NAALADL2: variants seen among roughly 807,000 people sequenced by gnomAD.
NAALADL2 encodes the protein inactive N-acetylated-alpha-linked acidic dipeptidase-like protein 2.
Under a neutral mutation model 87.2 loss-of-function variants are expected in NAALADL2, and 76 were observed. The ratio of observed to expected loss-of-function variants is 0.87; its 90% CI spans 0.72 to 1.05. The LOEUF (loss-of-function observed/expected upper bound fraction) is 1.05. Among genes scored for constraint, NAALADL2 ranks in the 50% least tolerant of loss-of-function variants. NAALADL2 has a pLI of 0.00. For missense variants in NAALADL2, 1,089 were observed against 945.8 expected (o/e 1.15, Z -1.99); for synonymous variants, 354 against 331.0 (o/e 1.07, Z -0.75).
intron 10 of NAALADL2, among the ~76,000 whole-genome samples, chr3:175,602,914 C>G (rs1723166835): frequency 6.6e-6 from 1 of 152,158 alleles, no homozygotes; most frequent in Non-Finnish European, 1.5e-5. Context: ...TAACACCTTT[C>G]CCCATGTGTC....
At chr3:174,530,412 T>C (rs1721134574) in intron 1 of NAALADL2, among the ~76,000 whole-genome samples, 1 of 152,150 alleles carries the variant, frequency 6.6e-6, no homozygotes, top group East Asian at 1.9e-4. Context: ...AATTTTCCTA[T>C]CTTCTTCTGA....
chr3:174,654,825 T>A (rs1156463613), intron 2 of NAALADL2, among the ~76,000 whole-genome samples: 1 of 152,116 alleles, frequency 6.6e-6, no homozygotes, highest in Non-Finnish European at 1.5e-5. Flanking sequence ...AAGCTCTGCC[T>A]CCCGGGTTCA....
intron 1 of NAALADL2, among the ~76,000 whole-genome samples, chr3:174,460,693 G>A (rs913980372): frequency 2.0e-5 from 3 of 151,436 alleles, no homozygotes; most frequent in East Asian, 1.9e-4. Flanking sequence ...CTTTATAAAC[G>A]TAATTTTTTT....
chr3:175,124,227 A>G (rs902613021), intron 2 of NAALADL2, among the ~76,000 whole-genome samples: 14 of 152,028 alleles, frequency 9.2e-5, no homozygotes, highest in African/African-American at 3.4e-4. Context: ...AGGCGAAGTA[A>G]TAATAGCAGT....
intron 4 of NAALADL2, among the ~76,000 whole-genome samples, chr3:175,290,474 A>G (rs972831119): frequency 2.3e-4 from 35 of 152,164 alleles, no homozygotes; most frequent in Admixed American, 2.1e-3. Context: ...TGGACATAAA[A>G]AAATTTGGGA....
At chr3:175,143,142 A>G (rs1246425031) in intron 2 of NAALADL2, among the ~76,000 whole-genome samples, 1 of 151,952 alleles carries the variant, frequency 6.6e-6, no homozygotes, top group African/African-American at 2.4e-5. Context: ...AATACTTGCC[A>G]TGAAGGTTTA....
At chr3:174,705,612 A>G (rs1018520669) in intron 2 of NAALADL2, among the ~76,000 whole-genome samples, 7 of 151,368 alleles carry the variant, frequency 4.6e-5, no homozygotes, top group African/African-American at 7.3e-5. Context: ...GTGAAACCCT[A>G]TCTCTACTAA....
intron 1 of NAALADL2, among the ~76,000 whole-genome samples, chr3:174,913,194 C>T (rs928490495): frequency 1.3e-5 from 2 of 152,114 alleles, no homozygotes; most frequent in Non-Finnish European, 1.5e-5. Context: ...TTATTTTCGA[C>T]TTGTCTTACC....
chr3:174,607,420 C>G (rs1719223227), intron 2 of NAALADL2, among the ~76,000 whole-genome samples: 1 of 150,480 alleles, frequency 6.6e-6, no homozygotes, highest in South Asian at 2.1e-4. Context: ...TTCAGGAAAC[C>G]CATCTCACGT....
At chr3:175,215,521 C>A (rs889442537) in intron 2 of NAALADL2, among the ~76,000 whole-genome samples, 4 of 152,026 alleles carry the variant, frequency 2.6e-5, no homozygotes, top group African/African-American at 9.7e-5. Flanking sequence ...CCTCATTGCC[C>A]AGTGTTAAGT....
intron 1 of NAALADL2, among the ~76,000 whole-genome samples, chr3:175,013,639 C>A (rs185015129): frequency 6.6e-6 from 1 of 151,894 alleles, no homozygotes; most frequent in African/African-American, 2.4e-5. Flanking sequence ...TTGCCTAATT[C>A]TTATGATAGC....
intron 5 of NAALADL2, among the ~76,000 whole-genome samples, chr3:175,425,008 A>G (rs535489473): frequency 6.6e-6 from 1 of 152,314 alleles, no homozygotes; most frequent in South Asian, 2.1e-4. Flanking sequence ...AGGTGAGGAT[A>G]AAGAAAACTG....
Position 175,533,225 on chromosome 3 carries a change from C to G in NAALADL2, c.1654-42816C>G, listed in dbSNP as rs113459675. Among the ~76,000 whole-genome samples the G allele has an allele frequency of 9.3e-3, 1,424 of 152,322 alleles. 47 individuals are homozygous for G. Among genetic ancestry groups the G allele is most frequent in the Admixed American group, 0.056 (858 of 15,302 alleles). On this transcript the variant is annotated intron_variant, in intron 9 of 13. Coordinates refer to ENST00000454872, the MANE Select transcript of NAALADL2 (RefSeq NM_207015.3). ...ATGCCCTTAATATACATTCCCATGC[C>G]TGTTCTCCCAATTTCTGCTTATATA...
chr3:175,757,400 C>T (rs1251959721), intron 13 of NAALADL2, among the ~76,000 whole-genome samples: 1 of 152,052 alleles, frequency 6.6e-6, no homozygotes, highest in Non-Finnish European at 1.5e-5. Flanking sequence ...CCCATTAGTA[C>T]TAAAGTTCTG....
rs67724932 is a variant in NAALADL2, at chr3:175,364,215, G to A, written c.1090+39890G>A. Among the ~76,000 whole-genome samples, 2 of 147,196 alleles carry A rather than the reference G, an allele frequency of 1.4e-5. 1 individual carries two copies. Among genetic ancestry groups the A allele is most frequent in the South Asian group, 4.4e-4 (2 of 4,552 alleles). On this transcript the variant is annotated intron_variant, in intron 5 of 13. Coordinates refer to ENST00000454872, the MANE Select transcript of NAALADL2 (RefSeq NM_207015.3). The stretch of plus-strand genomic sequence containing the variant: ...TCTCCTCTCTCATTCCCTTTTCTTG[G>A]AAATATATAAAGGGTCCTAACTCAT...
intron 1 of NAALADL2, among the ~76,000 whole-genome samples, chr3:174,958,847 G>A (rs1741546900): frequency 6.6e-6 from 1 of 152,048 alleles, no homozygotes; most frequent in Admixed American, 6.6e-5. Flanking sequence ...AATTATATCT[G>A]TTGTTGCTTG....
intron 1 of NAALADL2, among the ~76,000 whole-genome samples, chr3:174,883,945 G>A (rs1163648332): frequency 6.6e-6 from 1 of 152,156 alleles, no homozygotes; most frequent in Non-Finnish European, 1.5e-5. Context: ...CCACTGTGGA[G>A]TAGTAGGCTG....
intron 2 of NAALADL2, among the ~76,000 whole-genome samples, chr3:175,159,207 A>G (rs1226114712): frequency 6.6e-6 from 1 of 152,208 alleles, no homozygotes; most frequent in Non-Finnish European, 1.5e-5. Flanking sequence ...AAGTGCAATG[A>G]AAAAATCAGC....
chr3:174,596,358 T>G (rs557970913), intron 2 of NAALADL2, among the ~76,000 whole-genome samples: 1 of 152,274 alleles, frequency 6.6e-6, no homozygotes, highest in African/African-American at 2.4e-5. Flanking sequence ...CACCCAATTT[T>G]ATATATATTA....
Sources: gnomAD v4.1 joint callset for allele counts (sites outside exome capture counted in the v4.1 genomes callset) on GRCh38, gnomAD v4.1.1 for gene constraint, MANE v1.5 for transcripts, NCBI Gene and HGNC (gene_info 2026-07-23, HGNC 2026-07-21) for gene names.